SH3KBP1: variants seen among roughly 807,000 people sequenced by gnomAD.
SH3KBP1 encodes the protein SH3 domain containing kinase binding protein 1.
A neutral mutation model predicts 50.1 loss-of-function variants in SH3KBP1; 8 were observed. That is an observed-to-expected ratio of 0.16 (90% CI 0.09 to 0.29). The LOEUF (loss-of-function observed/expected upper bound fraction) is 0.29. SH3KBP1 is among the 10% of genes least tolerant of loss of function. The probability of loss-of-function intolerance (pLI) is 1.00; values close to 1 mark genes in which losing one functional copy is unlikely to be tolerated. For synonymous variants in SH3KBP1, 227 were observed against 218.6 expected (o/e 1.04, Z -0.34); for missense variants, 377 against 535.2 (o/e 0.70, Z 2.92).
At chrX:19,859,768 G>C (rs2068737717) in intron 1 of SH3KBP1, among the ~76,000 whole-genome samples, 1 of 110,553 alleles carries the variant, frequency 9.0e-6, no homozygotes, top group Admixed American at 9.7e-5. Context: ...AAGTATAATA[G>C]GTTGGGCTCC....
chrX:19,681,215 C>T (rs1053230757), intron 6 of SH3KBP1, among the ~76,000 whole-genome samples: 2 of 112,100 alleles, frequency 1.8e-5, no homozygotes, highest in Admixed American at 1.9e-4. Flanking sequence ...GTTCAACGCA[C>T]TTGCGCACAC....
At position 19,572,369 on chromosome X, in the gene SH3KBP1, A is replaced by G. The variant is rs193290766; in HGVS notation, c.1299-3181T>C. ...GTACATATATATGTATATATAGTAC[A>G]TATATGTTATATATAGTACATACAT... On this transcript the variant is annotated intron_variant, in intron 12 of 17. Transcript: ENST00000397821. 3.0e-5 allele frequency among the ~76,000 whole-genome samples: 3 copies of G among 98,764 alleles called. No homozygotes were observed. The Admixed American group carries it at 3.2e-4, about 11-fold the overall frequency. 85.8% of individuals were successfully genotyped at this position (98,764 alleles called of 115,157 possible).
intron 7 of SH3KBP1, among the ~76,000 whole-genome samples, chrX:19,636,246 A>G (rs1007710338): frequency 1.4e-4 from 16 of 111,270 alleles, no homozygotes; most frequent in Non-Finnish European, 1.1e-4. Context: ...ATGAATTAGC[A>G]TAAGACTGAA....
intron 2 of SH3KBP1, among the ~76,000 whole-genome samples, chrX:19,804,150 C>T (rs765289977): frequency 7.2e-5 from 8 of 110,830 alleles, no homozygotes; most frequent in Admixed American, 9.5e-5. Flanking sequence ...CCAGCCTGGG[C>T]GACAGAGTGA....
At chrX:19,863,822 A>G (rs1407755023) in intron 1 of SH3KBP1, among the ~76,000 whole-genome samples, 1 of 112,205 alleles carries the variant, frequency 8.9e-6, no homozygotes, top group Non-Finnish European at 1.9e-5. Context: ...TGTTTAGCCC[A>G]GCGTCTAAGT....
At chrX:19,552,614 G>A (rs1360909593) in intron 13 of SH3KBP1, among the ~76,000 whole-genome samples, 1 of 110,673 alleles carries the variant, frequency 9.0e-6, no homozygotes, top group African/African-American at 3.3e-5. Context: ...ACAAGCTCAG[G>A]AGCAAAAACT....
intron 8 of SH3KBP1, among the ~76,000 whole-genome samples, chrX:19,626,427 T>C (rs1261475920): frequency 1.8e-5 from 2 of 111,031 alleles, no homozygotes; most frequent in Admixed American, 9.5e-5. Flanking sequence ...TGAACGAACA[T>C]TGTGAGGGGA....
At chrX:19,723,319 A>G (rs1163771381) in intron 3 of SH3KBP1, among the ~76,000 whole-genome samples, 1 of 111,993 alleles carries the variant, frequency 8.9e-6, no homozygotes, top group Non-Finnish European at 1.9e-5. Context: ...AACGTCCTTC[A>G]ATCAGGGAAC....
At chrX:19,649,139 T>C (rs1183918391) in intron 6 of SH3KBP1, among the ~76,000 whole-genome samples, 2 of 111,087 alleles carry the variant, frequency 1.8e-5, no homozygotes, top group South Asian at 3.8e-4. Flanking sequence ...GGATACAGGA[T>C]CTCCCCTTTG....
chrX:19,547,725 T>C (rs2147616701), intron 14 of SH3KBP1, among the ~76,000 whole-genome samples: 1 of 111,844 alleles, frequency 8.9e-6, no homozygotes, highest in South Asian at 3.7e-4. Context: ...CCTATAAACA[T>C]AAAGAACTTC....
chrX:19,754,817 T>G (rs2065162551), intron 2 of SH3KBP1, among the ~76,000 whole-genome samples: 1 of 111,641 alleles, frequency 9.0e-6, no homozygotes, highest in Non-Finnish European at 1.9e-5. Flanking sequence ...CCTTAAAAGA[T>G]GCAGATCAGG....
At chrX:19,883,631 CA>C (rs1297457413) in intron 1 of SH3KBP1, among the ~76,000 whole-genome samples, 3 of 111,554 alleles carry the variant, frequency 2.7e-5, no homozygotes, top group African/African-American at 6.5e-5. Context: ...TCCTGTTGAA[CA>C]GAAACAATTC....
chrX:19,764,987 T>TTTC (rs1491565887), intron 2 of SH3KBP1, among the ~76,000 whole-genome samples: 2 of 57,250 alleles, frequency 3.5e-5, no homozygotes, highest in African/African-American at 1.6e-4. Context: ...TTTGCAGTTC[T>TTTC]TTTTTTTTTT....
intron 2 of SH3KBP1, among the ~76,000 whole-genome samples, chrX:19,833,164 G>A (rs779119552): frequency 3.1e-4 from 32 of 103,682 alleles, no homozygotes; most frequent in Admixed American, 8.2e-4. Context: ...TCCTTCCCAC[G>A]GTCCTCCTCT....
intron 6 of SH3KBP1, among the ~76,000 whole-genome samples, chrX:19,657,352 C>T (rs1225827288): frequency 9.6e-6 from 1 of 103,860 alleles, no homozygotes; most frequent in African/African-American, 3.6e-5. Flanking sequence ...TGCACTCCAG[C>T]CTGGGTGACA....
At chrX:19,541,394 C>G (rs1201479692) in intron 16 of SH3KBP1, among the ~76,000 whole-genome samples, 1 of 111,801 alleles carries the variant, frequency 8.9e-6, no homozygotes, top group Non-Finnish European at 1.9e-5. Context: ...CACTGCCCCG[C>G]CCCGCCCACT....
At chrX:19,541,007 T>G (rs1359648756) in intron 16 of SH3KBP1, among the ~76,000 whole-genome samples, 1 of 110,624 alleles carries the variant, frequency 9.0e-6, no homozygotes. Flanking sequence ...CTCCTCCTCC[T>G]GGGTTCAAGC....
intron 2 of SH3KBP1, among the ~76,000 whole-genome samples, chrX:19,765,539 TA>T (rs1422018547): frequency 1.8e-5 from 2 of 111,720 alleles, no homozygotes; most frequent in African/African-American, 3.3e-5. Flanking sequence ...CCTCCCTTTT[TA>T]AAAAAAATTT....
At chrX:19,621,421 C>A (rs1252186745) in intron 8 of SH3KBP1, among the ~76,000 whole-genome samples, 1 of 109,780 alleles carries the variant, frequency 9.1e-6, no homozygotes, top group Non-Finnish European at 1.9e-5. Flanking sequence ...ATTATCCTCT[C>A]TTAAACTGTC....
Sources: gnomAD v4.1 joint callset for allele counts (sites outside exome capture counted in the v4.1 genomes callset) on GRCh38, gnomAD v4.1.1 for gene constraint, MANE v1.5 for transcripts, NCBI Gene and HGNC (gene_info 2026-07-23, HGNC 2026-07-21) for gene names.